NTRK2: variants seen among roughly 807,000 people sequenced by gnomAD.
NTRK2 encodes BDNF/NT-3 growth factors receptor.
A neutral mutation model predicts 94.5 loss-of-function variants in NTRK2; 13 were observed. The ratio of observed to expected loss-of-function variants is 0.14; its 90% confidence interval spans 0.09 to 0.22. The LOEUF (loss-of-function observed/expected upper bound fraction) is 0.22, where lower values mean the gene tolerates loss of function less well. Among genes scored for constraint, NTRK2 ranks in the 10% least tolerant of loss-of-function variants. The pLI, the probability that NTRK2 is intolerant of heterozygous loss-of-function variation, is 1.00. For synonymous variants in NTRK2, 372 were observed against 407.4 expected (o/e 0.91, Z 1.05); for missense variants, 639 against 1,071.2 (o/e 0.60, Z 5.63).
intron 14 of NTRK2, among the ~76,000 whole-genome samples, chr9:84,909,378 T>C (rs1276154919): frequency 6.6e-6 from 1 of 152,124 alleles, no homozygotes; most frequent in Non-Finnish European, 1.5e-5. Flanking sequence ...AAAGGTGCTA[T>C]AAATATTTGC....
intron 17 of NTRK2, among the ~76,000 whole-genome samples, chr9:84,992,515 C>T (rs779561301): frequency 1.3e-5 from 2 of 152,030 alleles, no homozygotes; most frequent in Admixed American, 6.6e-5. Flanking sequence ...AATTATTTGT[C>T]CAGATCCTGT....
intron 15 of NTRK2, among the ~76,000 whole-genome samples, chr9:84,937,219 C>T (rs944031487): frequency 3.9e-5 from 6 of 152,234 alleles, no homozygotes; most frequent in Non-Finnish European, 8.8e-5. Context: ...TGCACAGCTT[C>T]TCACCTCTAT....
chr9:84,716,593 A>G (rs2061725341), intron 6 of NTRK2, among the ~76,000 whole-genome samples: 1 of 152,198 alleles, frequency 6.6e-6, no homozygotes, highest in South Asian at 2.1e-4. Flanking sequence ...TTTCTTAGCA[A>G]CTTAGTTGGA....
chr9:84,941,370 G>T (rs2078402985), intron 15 of NTRK2, among the ~76,000 whole-genome samples: 1 of 152,116 alleles, frequency 6.6e-6, no homozygotes, highest in Admixed American at 6.5e-5. Flanking sequence ...CTTGGGTCAG[G>T]GATCTGTTTT....
At chr9:84,863,472 T>C (rs1305196634) in intron 13 of NTRK2, among the ~76,000 whole-genome samples, 1 of 152,232 alleles carries the variant, frequency 6.6e-6, no homozygotes, top group East Asian at 1.9e-4. Context: ...CTCATATGAA[T>C]TTCGTTTAAC....
At chr9:84,823,498 T>G (rs1283396385) in intron 12 of NTRK2, among the ~76,000 whole-genome samples, 1 of 152,258 alleles carries the variant, frequency 6.6e-6, no homozygotes, top group East Asian at 1.9e-4. Context: ...CTTATTCAGA[T>G]GCAACCAACT....
chr9:84,873,559 GGAGAT>G lies in NTRK2; in HGVS notation c.1633+6131_1633+6135del, dbSNP rs1055345650. The G allele has an allele frequency of 4.7e-6, 5 of 1,054,338 alleles. No individual in the cohort carries two copies. In the Admixed American group the frequency reaches 2.7e-4, roughly 58 times the overall value. 65.3% of individuals were successfully genotyped at this position (1,054,338 alleles called of 1,614,324 possible). Reference sequence around the variant, plus strand: ...ATCATATTCCCTTTTCAACTCCAAAGGAGATGATAAGAAGCTATCAAATAATGCTT... The same window carrying G: ...ATCATATTCCCTTTTCAACTCCAAAGGATAAGAAGCTATCAAATAATGCTT... On this transcript the variant is annotated intron_variant, in intron 14 of 18. Transcript: ENST00000277120.
rs199503552 is a variant in NTRK2, at chr9:85,023,590, T to TA, written c.*2153_*2154insA. On this transcript the variant is annotated 3_prime_UTR_variant, in exon 19 of 19. Coordinates refer to ENST00000277120, the MANE Select transcript of NTRK2 (RefSeq NM_006180.6). Reference sequence around the variant, plus strand: ...TCGTTTGTTCTCTTTGTTGATGATTTTAAAAAAACCCTCTAGAATACACAT... The same window carrying TA: ...TCGTTTGTTCTCTTTGTTGATGATTTATAAAAAAACCCTCTAGAATACACAT... 0.049 allele frequency: 11,186 copies of TA among 228,176 alleles called. 926 individuals are homozygous for TA. Among genetic ancestry groups the TA allele is most frequent in the African/African-American group, 0.19 (8,665 of 44,872 alleles). 14.1% of individuals were successfully genotyped at this position (228,176 alleles called of 1,614,324 possible).
chr9:84,993,797 G>C (rs542617337), intron 17 of NTRK2, among the ~76,000 whole-genome samples: 2 of 152,058 alleles, frequency 1.3e-5, no homozygotes, highest in African/African-American at 4.8e-5. Context: ...AACACACTTT[G>C]CACCTCTCCT....
chr9:84,740,586 C>T (rs766133715), intron 9 of NTRK2, among the ~76,000 whole-genome samples: 9 of 152,142 alleles, frequency 5.9e-5, no homozygotes, highest in East Asian at 1.9e-4. Context: ...TGCAGAGGTG[C>T]GCAGGGTGTT....
chr9:84,683,553 G>A (rs1434103747), intron 2 of NTRK2, among the ~76,000 whole-genome samples: 3 of 152,122 alleles, frequency 2.0e-5, no homozygotes, highest in East Asian at 1.9e-4. Flanking sequence ...GTATTTCATG[G>A]CATATATGTG....
rs182501435 is a variant in NTRK2, at chr9:84,763,116, G to A, written c.1396+11031G>A. On this transcript the variant is annotated intron_variant, in intron 12 of 18. Coordinates refer to ENST00000277120, the MANE Select transcript of NTRK2 (RefSeq NM_006180.6). ...TGAGACTGGCCCCCACTGTCTCTGC[G>A]TAGACATACTATGCAGAGACATACT... Among the ~76,000 whole-genome samples, 13 of 152,230 alleles carry A rather than the reference G, an allele frequency of 8.5e-5. No individual in the cohort carries two copies. The South Asian group carries it at 1.0e-3, about 12-fold the overall frequency.
At chr9:84,938,041 A>C (rs1164913221) in intron 15 of NTRK2, among the ~76,000 whole-genome samples, 1 of 152,214 alleles carries the variant, frequency 6.6e-6, no homozygotes, top group African/African-American at 2.4e-5. Flanking sequence ...CCCAAGCCTC[A>C]TGTTTTATGG....
rs142262310 is a variant in NTRK2 at position 84,985,786 on chromosome 9, G to A, written c.2172+30269G>A. ...TACAGCCAACATTGATTAAGGCTCCGTGTTAAGACAAGTAAGACACACCTT... is the reference window on the plus strand; with the variant it reads ...TACAGCCAACATTGATTAAGGCTCCATGTTAAGACAAGTAAGACACACCTT... On this transcript the variant is annotated intron_variant, in intron 17 of 18. Transcript: ENST00000277120. Among the ~76,000 whole-genome samples the A allele has an allele frequency of 2.7e-3, 412 of 152,296 alleles. 15 individuals carry two copies. The highest frequency in any genetic ancestry group is 3.0e-3 in the Non-Finnish European group (203 of 68,034).
chr9:84,727,524 A>C, intron 8 of NTRK2, 130 bp from the exon 9 acceptor site: 1 of 862,146 alleles, frequency 1.2e-6, no homozygotes, highest in South Asian at 1.5e-5. Context: ...TGGATTCCAG[A>C]GTTTCTGATG....
intron 12 of NTRK2, among the ~76,000 whole-genome samples, chr9:84,859,113 C>A (rs1159280556): frequency 6.6e-6 from 1 of 152,160 alleles, no homozygotes; most frequent in African/African-American, 2.4e-5. Context: ...TTCTTATTTG[C>A]TTTGTATCTG....
chr9:84,871,675 T>C, intron 14 of NTRK2: 1 of 859,074 alleles, frequency 1.2e-6, no homozygotes, highest in South Asian at 1.3e-5. Flanking sequence ...TGGAGTGATA[T>C]GAGGGTTTCA....
At chr9:84,861,003 T>G in intron 12 of NTRK2, 37 bp from the exon 13 acceptor site, 1 of 1,600,842 alleles carries the variant, frequency 6.2e-7, no homozygotes, top group Non-Finnish European at 8.6e-7. Context: ...TCTACTTCTC[T>G]TTCGAAGTTT....
chr9:84,711,946 T>TA (rs1187419929), intron 6 of NTRK2, among the ~76,000 whole-genome samples: 7 of 152,274 alleles, frequency 4.6e-5, no homozygotes, highest in Admixed American at 4.6e-4. Flanking sequence ...ACTTAAAAAA[T>TA]AAAAAAACTT....
Sources: allele counts gnomAD v4.1 joint callset (sites outside exome capture counted in the v4.1 genomes callset), GRCh38; gene constraint gnomAD v4.1.1; transcripts MANE v1.5; gene names NCBI Gene and HGNC (gene_info 2026-07-23, HGNC 2026-07-21).